Variants in CHSY3 observed in about 807,000 individuals in gnomAD.
CHSY3 encodes the protein N-acetylgalactosaminyl-proteoglycan 3-beta-glucuronosyltransferase 3.
A neutral mutation model predicts 67.2 loss-of-function variants in CHSY3; 35 were observed. The ratio of observed to expected loss-of-function variants is 0.52; its 90% confidence interval spans 0.40 to 0.69. The LOEUF is 0.69. Ranked by LOEUF, CHSY3 falls within the 30% of genes least tolerant of loss-of-function variation. CHSY3 has a pLI of 0.00. For synonymous variants in CHSY3, 474 were observed against 434.7 expected (o/e 1.09, Z -1.12); for missense variants, 1,069 against 1,138.5 (o/e 0.94, Z 0.88).
upstream of CHSY3, among the ~76,000 whole-genome samples, chr5:129,904,225 G>T (rs1056035578): frequency 1.2e-4 from 18 of 151,988 alleles, no homozygotes; most frequent in Non-Finnish European, 1.9e-4. Flanking sequence ...AGCCGGAGGC[G>T]GCCCGACAGG....
At chr5:129,955,826 T>C (rs1168865519) in intron 2 of CHSY3, among the ~76,000 whole-genome samples, 1 of 152,212 alleles carries the variant, frequency 6.6e-6, no homozygotes, top group Non-Finnish European at 1.5e-5. Context: ...TTGCTAAGGA[T>C]GATGGCTTCC....
At chr5:129,906,262 C>T (rs147323744) in intron 1 of CHSY3, among the ~76,000 whole-genome samples, 1,975 of 152,200 alleles carry the variant, frequency 0.013, 20 homozygotes, top group East Asian at 0.054. Context: ...GCGCGCTGCT[C>T]CTTCCAGCCG....
intron 2 of CHSY3, among the ~76,000 whole-genome samples, chr5:130,087,364 C>A (rs1766682026): frequency 6.6e-6 from 1 of 152,104 alleles, no homozygotes; most frequent in African/African-American, 2.4e-5. Context: ...GAAGTTCTGG[C>A]CAGGGCAATT....
intron 2 of CHSY3, among the ~76,000 whole-genome samples, chr5:129,928,769 T>C (rs1306833032): frequency 2.6e-5 from 4 of 152,170 alleles, no homozygotes; most frequent in Non-Finnish European, 4.4e-5. Flanking sequence ...TTGATTTATA[T>C]TGATATGTAG....
chr5:130,181,761 T>A (rs1432961474), intron 2 of CHSY3, among the ~76,000 whole-genome samples: 1 of 152,186 alleles, frequency 6.6e-6, no homozygotes, highest in East Asian at 1.9e-4. Context: ...TTTACCTGTT[T>A]CTGAATTTCA....
At chr5:130,171,385 TTAAAC>T (rs1769890062) in intron 2 of CHSY3, among the ~76,000 whole-genome samples, 1 of 152,166 alleles carries the variant, frequency 6.6e-6, no homozygotes, top group African/African-American at 2.4e-5. Context: ...AAGGGTTTAT[TTAAAC>T]TAACAAATGA....
intron 2 of CHSY3, among the ~76,000 whole-genome samples, chr5:130,125,072 G>GGAGTTCTCAT (rs1768221004): frequency 6.6e-6 from 1 of 151,884 alleles, no homozygotes. Context: ...CTTGAGCTCG[G>GGAGTTCTCAT]GAGTTCTCGA....
chr5:129,998,614 T>G (rs928563098), intron 2 of CHSY3, among the ~76,000 whole-genome samples: 1 of 152,154 alleles, frequency 6.6e-6, no homozygotes, highest in African/African-American at 2.4e-5. Context: ...CTATGAAGAA[T>G]ATTGTTTATG....
At chr5:130,019,777 G>C (rs909939056) in intron 2 of CHSY3, among the ~76,000 whole-genome samples, 6 of 152,066 alleles carry the variant, frequency 3.9e-5, no homozygotes, top group African/African-American at 1.4e-4. Flanking sequence ...ACGACTAAAG[G>C]TTTTTGCATC....
chr5:129,963,644 G>C (rs1415675209), intron 2 of CHSY3, among the ~76,000 whole-genome samples: 2 of 151,960 alleles, frequency 1.3e-5, no homozygotes, highest in Non-Finnish European at 2.9e-5. Flanking sequence ...GCCCAGAGCT[G>C]CACTTTACAG....
chr5:130,042,143 G>T (rs887220934), intron 2 of CHSY3, among the ~76,000 whole-genome samples: 1 of 152,086 alleles, frequency 6.6e-6, no homozygotes, highest in Non-Finnish European at 1.5e-5. Flanking sequence ...GGCTGAGTTG[G>T]GAGGATCCCT....
At chr5:130,121,036 G>C (rs1768000185) in intron 2 of CHSY3, among the ~76,000 whole-genome samples, 1 of 152,178 alleles carries the variant, frequency 6.6e-6, no homozygotes, top group Admixed American at 6.5e-5. Context: ...GTGCCCTACT[G>C]TTCCGTTTGG....
At chr5:129,931,793 A>G (rs1761317778) in intron 2 of CHSY3, among the ~76,000 whole-genome samples, 1 of 152,056 alleles carries the variant, frequency 6.6e-6, no homozygotes, top group Non-Finnish European at 1.5e-5. Flanking sequence ...GTTTCCTGGC[A>G]TGGATTTTGT....
chr5:130,134,757 C>A (rs1187635232), intron 2 of CHSY3, among the ~76,000 whole-genome samples: 1 of 151,990 alleles, frequency 6.6e-6, no homozygotes, highest in African/African-American at 2.4e-5. Context: ...AAAACTGAAG[C>A]ATAGAATTTT....
chr5:130,036,427 T>C (rs1189371132), intron 2 of CHSY3, among the ~76,000 whole-genome samples: 1 of 152,182 alleles, frequency 6.6e-6, no homozygotes, highest in Admixed American at 6.6e-5. Flanking sequence ...AGATTGCTTT[T>C]GAAATGTGTA....
chr5:129,965,121 G>A (rs1762434499), intron 2 of CHSY3, among the ~76,000 whole-genome samples: 1 of 151,904 alleles, frequency 6.6e-6, no homozygotes. Flanking sequence ...TCCTTCCAGG[G>A]GGAAGAGGCA....
At chr5:130,151,429 T>A (rs934569370) in intron 2 of CHSY3, among the ~76,000 whole-genome samples, 5 of 152,222 alleles carry the variant, frequency 3.3e-5, no homozygotes, top group African/African-American at 1.2e-4. Flanking sequence ...CATGCTCAAA[T>A]CATTCTTTCA....
At chr5:130,108,514 G>C (rs1767484187) in intron 2 of CHSY3, among the ~76,000 whole-genome samples, 1 of 151,524 alleles carries the variant, frequency 6.6e-6, no homozygotes, top group South Asian at 2.1e-4. Context: ...TTGTAATCAA[G>C]ATTTCATGAA....
At chr5:130,035,893 T>G (rs1381138777) in intron 2 of CHSY3, among the ~76,000 whole-genome samples, 1 of 147,306 alleles carries the variant, frequency 6.8e-6, no homozygotes, top group Non-Finnish European at 1.5e-5. Flanking sequence ...GTTGTTTTTT[T>G]TTTTTTTTTT....
Sources: allele counts gnomAD v4.1 joint callset (sites outside exome capture counted in the v4.1 genomes callset), GRCh38; gene constraint gnomAD v4.1.1; transcripts MANE v1.5; gene names NCBI Gene and HGNC (gene_info 2026-07-23, HGNC 2026-07-21).